OPA1: variants seen among roughly 807,000 people sequenced by gnomAD.
OPA1 encodes the protein OPA1 mitochondrial dynamin like GTPase, also known as dynamin-like GTPase OPA1, mitochondrial.
A neutral mutation model predicts 152.9 loss-of-function variants in OPA1; 59 were observed. That is an observed-to-expected ratio of 0.39 (90% CI 0.31 to 0.48). The LOEUF is 0.48. OPA1 is among the 20% of genes least tolerant of loss of function. The probability of loss-of-function intolerance (pLI) is 0.96; values close to 1 mark genes in which losing one functional copy is unlikely to be tolerated. For synonymous variants in OPA1, 400 were observed against 389.9 expected (o/e 1.03, Z -0.31); for missense variants, 1,008 against 1,216.8 (o/e 0.83, Z 2.55).
chr3:193,619,206 G>C (rs939711599), intron 6 of OPA1, among the ~76,000 whole-genome samples: 2 of 152,174 alleles, frequency 1.3e-5, no homozygotes, highest in Non-Finnish European at 2.9e-5. Flanking sequence ...TTAAGTGTGT[G>C]GGGGGAGAAA....
intron 11 of OPA1, among the ~76,000 whole-genome samples, chr3:193,639,486 T>C (rs929117716): frequency 6.6e-6 from 1 of 152,176 alleles, no homozygotes; most frequent in Non-Finnish European, 1.5e-5. Flanking sequence ...GGAGAATAGC[T>C]GATGCAAAGC....
intron 1 of OPA1, among the ~76,000 whole-genome samples, chr3:193,609,527 C>T (rs1211262516): frequency 3.3e-5 from 5 of 152,082 alleles, no homozygotes; most frequent in Non-Finnish European, 7.4e-5. Context: ...TGGAGTTGCT[C>T]TTTTCGAGGA....
chr3:193,607,987 T>A (rs113653367), intron 1 of OPA1, among the ~76,000 whole-genome samples: 2 of 152,294 alleles, frequency 1.3e-5, no homozygotes, highest in East Asian at 3.9e-4. Context: ...ATCCCTTGTA[T>A]GTTGGATTCC....
intron 24 of OPA1, 110 bp from the exon 25 acceptor site, chr3:193,659,372 T>A (rs906082038): frequency 3.2e-6 from 3 of 946,132 alleles, no homozygotes; most frequent in Non-Finnish European, 5.0e-6. Flanking sequence ...TTCAACTGCC[T>A]TCATATTGAT....
At chr3:193,596,347 T>TTAAC (rs1725534027) in intron 1 of OPA1, among the ~76,000 whole-genome samples, 1 of 140,662 alleles carries the variant, frequency 7.1e-6, no homozygotes, top group Admixed American at 7.6e-5. Context: ...TTTTCTTTTC[T>TTAAC]TTTCTTTTCT....
At chr3:193,668,250 A>G (rs972343079) in intron 29 of OPA1, 1 of 1,130,146 alleles carries the variant, frequency 8.8e-7, no homozygotes, top group Non-Finnish European at 1.3e-6. Context: ...ATATATTTTC[A>G]TATTTTGGTC....
chr3:193,619,222 G>C (rs775329038), intron 6 of OPA1, among the ~76,000 whole-genome samples: 2 of 152,160 alleles, frequency 1.3e-5, no homozygotes, highest in East Asian at 3.9e-4. Context: ...AGAAAGGCTC[G>C]TTTAGACAAG....
At chr3:193,694,518 G>T (rs1352137212) in intron 30 of OPA1, 88 bp from the exon 31 acceptor site, 1 of 152,148 alleles carries the variant, frequency 6.6e-6, no homozygotes, top group Non-Finnish European at 1.5e-5. Flanking sequence ...CTTCAACATT[G>T]TTGTGATCAT....
intron 29 of OPA1, among the ~76,000 whole-genome samples, chr3:193,676,713 G>A (rs1478124681): frequency 6.6e-6 from 1 of 152,134 alleles, no homozygotes; most frequent in Non-Finnish European, 1.5e-5. Flanking sequence ...GGGTGTGGTG[G>A]CTCACGCCTG....
Position 193,637,257 on chromosome 3 carries a change from T to A in OPA1, c.1011T>A (p.Tyr337Ter). The change falls in exon 10 of 31, where the codon TAT becomes TAA. Residue 337 changes from tyrosine to a stop codon, truncating the protein, a stop_gained. Coordinates refer to ENST00000361510, the MANE Select transcript of OPA1 (RefSeq NM_130837.3). LOFTEE classifies it high-confidence loss of function. ...LDVLSDYDAS[Y>*]NTQDHLPRVV... is the part of the protein sequence containing the mutation. ...TTCTCTCTGATTATGATGCCAGTTATAATACGCAAGATCATCTGCCACGGG... is the reference window on the plus strand; with the variant it reads ...TTCTCTCTGATTATGATGCCAGTTAAAATACGCAAGATCATCTGCCACGGG... 6.2e-7 allele frequency: 1 copy of A among 1,607,664 alleles called. No individual in the cohort carries two copies. The highest frequency in any genetic ancestry group is 8.5e-7 in the Non-Finnish European group (1 of 1,175,290).
At chr3:193,595,442 A>G (rs776007334) in intron 1 of OPA1, among the ~76,000 whole-genome samples, 9 of 152,228 alleles carry the variant, frequency 5.9e-5, no homozygotes, top group Non-Finnish European at 1.3e-4. Flanking sequence ...CCTATTTTGC[A>G]TCATACTTGA....
In OPA1 at chr3:193,617,096, AG is replaced by A. The variant is rs1729144133; in HGVS notation, c.449-81del. ...GTAGGGTTGTCATGAGGATTAAACA[AG>A]TTAATACTTTAGCCCTTTATAAGAA... is the stretch of plus-strand genomic sequence containing the variant. On this transcript the variant is annotated intron_variant, in intron 3 of 30. Transcript: ENST00000361510. 6 of 841,926 alleles carry A rather than the reference AG, an allele frequency of 7.1e-6. 1 individual carries two copies. The South Asian group carries it at 8.6e-5, about 12-fold the overall frequency. 52.2% of individuals were successfully genotyped at this position (841,926 alleles called of 1,614,324 possible). A position where few individuals can be genotyped will look rare whatever the true frequency, so the allele number is the denominator to read the frequency against.
chr3:193,596,405 C>CTTTTCTTTTT (rs1560301832), intron 1 of OPA1, among the ~76,000 whole-genome samples: 1 of 50,734 alleles, frequency 2.0e-5, no homozygotes, highest in African/African-American at 7.5e-5. Flanking sequence ...CTTTTCTTTT[C>CTTTTCTTTTT]TTTTCTTTTC....
chr3:193,658,976 G>T lies in OPA1; in HGVS notation c.2421G>T (p.Leu807=), dbSNP rs148047706. 816 of 1,612,808 alleles carry T rather than the reference G, an allele frequency of 5.1e-4. 2 individuals carry two copies. The highest frequency in any genetic ancestry group is 6.1e-4 in the Non-Finnish European group (725 of 1,178,948). Reference sequence around the variant, plus strand: ...CTATTTATTTTATGGAAGAGGCTCTGCAGGCTCGTCTCAAGGATAGTAAGT... The same window carrying T: ...CTATTTATTTTATGGAAGAGGCTCTTCAGGCTCGTCTCAAGGATAGTAAGT... ...DAAIYFMEEA[L]QARLKDTENA... Residue 807 remains leucine (L), a synonymous_variant, in exon 24 of 31, where the codon CTG becomes CTT. Coordinates refer to ENST00000361510, the MANE Select transcript of OPA1 (RefSeq NM_130837.3).
At chr3:193,661,595 T>C (rs753287750) in intron 25 of OPA1, among the ~76,000 whole-genome samples, 1 of 152,196 alleles carries the variant, frequency 6.6e-6, no homozygotes, top group Non-Finnish European at 1.5e-5. Context: ...AGAAATCCAT[T>C]CTCTGAAAAG....
chr3:193,666,435 A>C (rs755738228), intron 28 of OPA1, 46 bp downstream of exon 28: 2 of 1,368,828 alleles, frequency 1.5e-6, no homozygotes, highest in Non-Finnish European at 2.1e-6. Context: ...TTAAAAAATA[A>C]TAGTGGTAAT....
chr3:193,649,809 C>A (rs559155939), intron 21 of OPA1, among the ~76,000 whole-genome samples: 9 of 152,256 alleles, frequency 5.9e-5, no homozygotes, highest in Admixed American at 2.0e-4. Flanking sequence ...AAAAAGAGAT[C>A]TAATTGTATC....
intron 29 of OPA1, among the ~76,000 whole-genome samples, chr3:193,677,281 TCTTTTA>T (rs1206965426): frequency 5.4e-5 from 8 of 147,914 alleles, no homozygotes; most frequent in East Asian, 3.9e-4. Context: ...AATTTTTTTT[TCTTTTA>T]CTTCTTTTTT....
intron 1 of OPA1, among the ~76,000 whole-genome samples, chr3:193,597,595 G>A (rs867549781): frequency 1.6e-4 from 24 of 151,618 alleles, no homozygotes; most frequent in Admixed American, 3.9e-4. Context: ...GGAGGCTGAG[G>A]CAGGAGAATC....
Sources: allele counts gnomAD v4.1 joint callset (sites outside exome capture counted in the v4.1 genomes callset), GRCh38; gene constraint gnomAD v4.1.1; transcripts MANE v1.5; gene names NCBI Gene and HGNC (gene_info 2026-07-23, HGNC 2026-07-21).